VWA8: variants seen among roughly 807,000 people sequenced by gnomAD.
VWA8 encodes the protein von Willebrand factor A domain-containing protein 8.
VWA8 carries 221 observed loss-of-function variants against 241.5 expected under a neutral mutation model. The ratio of observed to expected loss-of-function variants is 0.91; its 90% CI spans 0.82 to 1.02. The LOEUF is 1.02. Ranked by LOEUF, VWA8 falls within the 50% of genes least tolerant of loss-of-function variation. VWA8 has a pLI of 0.00. For missense variants in VWA8, 2,322 were observed against 2,328.7 expected (o/e 1.00, Z 0.06); for synonymous variants, 852 against 827.1 (o/e 1.03, Z -0.52).
At chr13:41,723,824 G>A (rs1286139496) in intron 24 of VWA8, among the ~76,000 whole-genome samples, 1 of 152,112 alleles carries the variant, frequency 6.6e-6, no homozygotes, top group Non-Finnish European at 1.5e-5. Flanking sequence ...AGGAAGGTCT[G>A]GGTTGGAGAT....
chr13:41,587,487 C>T, intron 42 of VWA8, 25 bp downstream of exon 42: 1 of 1,613,680 alleles, frequency 6.2e-7, no homozygotes, highest in Non-Finnish European at 8.5e-7. Flanking sequence ...TGATGCCTCT[C>T]ATTATTCTTA....
chr13:41,834,117 G>C (rs1420988391), intron 12 of VWA8, among the ~76,000 whole-genome samples: 1 of 152,158 alleles, frequency 6.6e-6, no homozygotes, highest in Non-Finnish European at 1.5e-5. Flanking sequence ...ACAGGAATTG[G>C]GAAACAATAG....
chr13:41,757,555 T>C (rs115288510), intron 21 of VWA8, among the ~76,000 whole-genome samples: 1,653 of 151,740 alleles, frequency 0.011, 32 homozygotes, highest in African/African-American at 0.038. Flanking sequence ...ACAGTAAACA[T>C]AGTAACCAAT....
At chr13:41,597,887 T>C (rs192869426) in intron 40 of VWA8, among the ~76,000 whole-genome samples, 2 of 151,888 alleles carry the variant, frequency 1.3e-5, no homozygotes, top group Admixed American at 1.3e-4. Flanking sequence ...CCACACCCAA[T>C]CCAAGGGCAA....
rs115389404 is a variant in VWA8, at chr13:41,925,942, A to G, written c.242-13774T>C. ...TTCATCCAAGAATATAGTCACCAGC[A>G]GCCTGGGGGTCACCTGAATGATGTC... On this transcript the variant is annotated intron_variant, in intron 2 of 44. Transcript: ENST00000379310. The G allele has an allele frequency of 2.9e-3, 1,096 of 373,904 alleles. 7 individuals are homozygous for G. The highest frequency in any genetic ancestry group is 0.022 in the African/African-American group (1,011 of 46,928). The allele number at this position is 373,904 out of a possible 1,614,324, so 23.2% of individuals were successfully genotyped here. A position where few individuals can be genotyped will look rare whatever the true frequency, so the allele number is the denominator to read the frequency against.
At chr13:41,860,026 A>G (rs1161909088) in intron 12 of VWA8, among the ~76,000 whole-genome samples, 1 of 152,198 alleles carries the variant, frequency 6.6e-6, no homozygotes, top group African/African-American at 2.4e-5. Flanking sequence ...AAGTTTATTA[A>G]TTCCTGTGTC....
chr13:41,720,949 G>A (rs1366537306), intron 25 of VWA8, among the ~76,000 whole-genome samples: 2 of 152,094 alleles, frequency 1.3e-5, no homozygotes, highest in African/African-American at 4.8e-5. Context: ...GTATTTACAG[G>A]TATTTAATCA....
chr13:41,830,504 A>G (rs1871399768), intron 14 of VWA8, 25 bp downstream of exon 14: 3 of 1,541,434 alleles, frequency 1.9e-6, no homozygotes, highest in East Asian at 4.5e-5. Context: ...TAAATTAGCA[A>G]TGGGAGTAAT....
intron 40 of VWA8, among the ~76,000 whole-genome samples, chr13:41,602,339 A>T (rs976066072): frequency 2.0e-5 from 3 of 152,140 alleles, no homozygotes; most frequent in Non-Finnish European, 4.4e-5. Context: ...AGACCCTAAC[A>T]AACAATAATG....
intron 21 of VWA8, among the ~76,000 whole-genome samples, chr13:41,758,928 G>A (rs2045719421): frequency 6.6e-6 from 1 of 151,204 alleles, no homozygotes; most frequent in Non-Finnish European, 1.5e-5. Flanking sequence ...AGGATCATAT[G>A]GTTTTTTATT....
intron 36 of VWA8, among the ~76,000 whole-genome samples, chr13:41,673,262 C>A (rs1392577347): frequency 6.6e-6 from 1 of 152,146 alleles, no homozygotes; most frequent in East Asian, 1.9e-4. Flanking sequence ...GTGATGTATT[C>A]ATTTTGGCCC....
intron 37 of VWA8, among the ~76,000 whole-genome samples, chr13:41,660,395 C>A (rs930292964): frequency 1.6e-4 from 24 of 152,162 alleles, no homozygotes; most frequent in African/African-American, 5.8e-4. Context: ...GGATTACAGG[C>A]ATGAGCCACC....
intron 2 of VWA8, among the ~76,000 whole-genome samples, chr13:41,945,483 A>G (rs912419109): frequency 6.6e-6 from 1 of 152,208 alleles, no homozygotes; most frequent in African/African-American, 2.4e-5. Context: ...AAACACTTTA[A>G]ATCAGCTACC....
At chr13:41,822,363 T>C (rs1049012257) in intron 14 of VWA8, among the ~76,000 whole-genome samples, 2 of 152,226 alleles carry the variant, frequency 1.3e-5, no homozygotes, top group Non-Finnish European at 2.9e-5. Flanking sequence ...ACAATACTAA[T>C]GTTCCAATTT....
intron 30 of VWA8, among the ~76,000 whole-genome samples, chr13:41,692,471 C>T (rs1447677170): frequency 6.6e-6 from 1 of 151,952 alleles, no homozygotes; most frequent in African/African-American, 2.4e-5. Context: ...ACTTATTTGT[C>T]TAATGGAGGA....
intron 37 of VWA8, among the ~76,000 whole-genome samples, chr13:41,617,170 G>A (rs1417880900): frequency 1.3e-5 from 2 of 151,824 alleles, no homozygotes; most frequent in African/African-American, 4.8e-5. Flanking sequence ...ACAGGCTGGA[G>A]TGCAGTGGTG....
intron 4 of VWA8, among the ~76,000 whole-genome samples, chr13:41,896,559 C>T (rs547158267): frequency 5.3e-5 from 8 of 152,010 alleles, no homozygotes; most frequent in African/African-American, 1.7e-4. Flanking sequence ...GTAACATATA[C>T]AATAAAGACC....
chr13:41,636,742 C>A (rs1260837025), intron 37 of VWA8, among the ~76,000 whole-genome samples: 3 of 152,144 alleles, frequency 2.0e-5, no homozygotes, highest in Admixed American at 2.0e-4. Flanking sequence ...ACCCCATCAA[C>A]AAGTGGGTGA....
rs559812016 is a variant in VWA8, at chr13:41,699,875, C to A, written c.3365-605G>T. ...CCATTTGAAGAAGTCAGTGCTTCTT[C>A]AAATTTCAAGTGCCTATGAATCACC... On this transcript the variant is annotated intron_variant, in intron 28 of 44. Coordinates refer to ENST00000379310, the MANE Select transcript of VWA8 (RefSeq NM_015058.2). Among the ~76,000 whole-genome samples the A allele has an allele frequency of 4.6e-5, 7 of 152,250 alleles. No homozygotes were observed. The East Asian group carries it at 1.2e-3, about 25-fold the overall frequency.
Sources: allele counts gnomAD v4.1 joint callset (sites outside exome capture counted in the v4.1 genomes callset), GRCh38; gene constraint gnomAD v4.1.1; transcripts MANE v1.5; gene names NCBI Gene and HGNC (gene_info 2026-07-23, HGNC 2026-07-21).